Variants in ZNF821 observed in about 807,000 individuals in gnomAD.
The protein encoded by ZNF821 is zinc finger protein 821.
A neutral mutation model predicts 44.3 loss-of-function variants in ZNF821; 16 were observed. The ratio of observed to expected loss-of-function variants is 0.36; its 90% CI spans 0.24 to 0.55. The LOEUF (loss-of-function observed/expected upper bound fraction) is 0.55. ZNF821 is among the 20% of genes least tolerant of loss of function. ZNF821 has a pLI of 0.86. For missense variants in ZNF821, 436 were observed against 547.6 expected, an observed-to-expected ratio of 0.80 and a Z score of 2.03; for synonymous variants, 204 against 197.6, an observed-to-expected ratio of 1.03 and a Z score of -0.27.
chr16:71,894,595 G>C, intron 1 of ZNF821: 2 of 425,654 alleles, frequency 4.7e-6, no homozygotes, highest in Non-Finnish European at 4.3e-6. Flanking sequence ...ACGTGATCAC[G>C]GTTTACTGCA....
intron 6 of ZNF821, among the ~76,000 whole-genome samples, chr16:71,863,537 C>A (rs1371961332): frequency 6.6e-6 from 1 of 151,732 alleles, no homozygotes; most frequent in Non-Finnish European, 1.5e-5. Flanking sequence ...CAGGTGCAAG[C>A]CACCATGCCC....
At chr16:71,894,355 C>G (rs990218826) in intron 1 of ZNF821, 1 of 152,156 alleles carries the variant, frequency 6.6e-6, no homozygotes, top group Non-Finnish European at 1.5e-5. Context: ...GAGAATCAAG[C>G]GATTCTCCTG....
intron 3 of ZNF821, 38 bp downstream of exon 3, chr16:71,879,869 G>T: frequency 6.2e-7 from 1 of 1,602,026 alleles, no homozygotes; most frequent in South Asian, 1.1e-5. Flanking sequence ...CCACCCCTTA[G>T]CATTCCCAGG....
chr16:71,862,077 C>G, intron 6 of ZNF821, 135 bp from the exon 7 acceptor site: 1 of 1,051,992 alleles, frequency 9.5e-7, no homozygotes, highest in Non-Finnish European at 1.4e-6. Flanking sequence ...CTGTTTAGCC[C>G]CTAGAAAAGT....
chr16:71,892,572 T>A (rs957667128), intron 1 of ZNF821, among the ~76,000 whole-genome samples: 5,481 of 115,460 alleles, frequency 0.047, 297 homozygotes, highest in African/African-American at 0.14. Flanking sequence ...CCGGCCAAAA[T>A]TTTTTTTTTT....
intron 4 of ZNF821, among the ~76,000 whole-genome samples, chr16:71,865,606 T>C (rs998836971): frequency 6.6e-6 from 1 of 152,208 alleles, no homozygotes; most frequent in African/African-American, 2.4e-5. Context: ...ATGATGTCAC[T>C]TTATAGGGAA....
At chr16:71,871,532 A>G (rs2035192910) in intron 3 of ZNF821, among the ~76,000 whole-genome samples, 1 of 152,234 alleles carries the variant, frequency 6.6e-6, no homozygotes, top group African/African-American at 2.4e-5. Flanking sequence ...TAACTGCCGT[A>G]TAATGTCTAA....
chr16:71,867,954 G>A lies in ZNF821; in HGVS notation c.124C>T (p.Arg42Ter), dbSNP rs753562227. ...TDFPGDLGSQ[R>*]QAIQQLRDQD... ...TCTCTTAGTTGTTGGATAGCTTGTCGCTGACTGCCAAGGTCTCCAGGAAAA... is the reference window on the plus strand; with the variant it reads ...TCTCTTAGTTGTTGGATAGCTTGTCACTGACTGCCAAGGTCTCCAGGAAAA... Residue 42 changes from arginine to a stop codon, truncating the protein, a stop_gained, in exon 4 of 8, where the codon CGA (arginine) becomes TGA (stop). Coordinates refer to ENST00000425432, the MANE Select transcript of ZNF821 (RefSeq NM_001201552.2). LOFTEE classifies it high-confidence loss of function. 9 of 1,535,992 alleles carry A rather than the reference G, an allele frequency of 5.9e-6. No individual in the cohort carries two copies. The highest frequency in any genetic ancestry group is 4.8e-5 in the South Asian group (4 of 84,016).
intron 1 of ZNF821, 22 bp from the exon 2 acceptor site, chr16:71,883,295 G>GT: frequency 2.3e-6 from 1 of 437,732 alleles, no homozygotes; most frequent in South Asian, 1.6e-5. Context: ...GAGAGGACAA[G>GT]AAAGCTGGTC....
At chr16:71,870,810 T>G (rs1958770864) in intron 3 of ZNF821, among the ~76,000 whole-genome samples, 2 of 152,156 alleles carry the variant, frequency 1.3e-5, no homozygotes, top group South Asian at 4.1e-4. Flanking sequence ...ATTGAATTCT[T>G]TCGGGTAGGT....
intron 3 of ZNF821, 158 bp downstream of exon 3, chr16:71,879,747 TTC>T (rs2036226124): frequency 2.7e-6 from 2 of 740,584 alleles, no homozygotes; most frequent in East Asian, 3.3e-5. Flanking sequence ...TTAACCCTTT[TTC>T]TTTCTTTCTT....
upstream of ZNF821, among the ~76,000 whole-genome samples, chr16:71,886,025 A>C (rs1449603239): frequency 2.6e-5 from 4 of 152,226 alleles, no homozygotes; most frequent in African/African-American, 9.6e-5. Flanking sequence ...TGACATTTTC[A>C]ACAGAAAAGT....
upstream of ZNF821, chr16:71,885,454 C>G (rs187677590): frequency 6.6e-6 from 1 of 152,240 alleles, no homozygotes; most frequent in African/African-American, 2.4e-5. Context: ...CTGGCCTTTA[C>G]TCTCCGAGGG....
intron 1 of ZNF821, chr16:71,891,481 C>G (rs571126784): frequency 6.6e-6 from 1 of 152,284 alleles, no homozygotes; most frequent in South Asian, 2.1e-4. Context: ...ATTACAGGAT[C>G]TAAATAGACA....
chr16:71,894,936 C>A (rs1008516520), exon 1 of ZNF821: 6 of 1,032,982 alleles, frequency 5.8e-6, no homozygotes, highest in East Asian at 5.2e-5. Context: ...TGAGGAAACA[C>A]TACTGAATTA....
intron 4 of ZNF821, among the ~76,000 whole-genome samples, chr16:71,865,285 C>T (rs1255672309): frequency 3.9e-5 from 6 of 152,136 alleles, no homozygotes; most frequent in African/African-American, 1.4e-4. Flanking sequence ...AAATGGTTAT[C>T]GTGCCCTCTA....
intron 1 of ZNF821, chr16:71,894,266 T>C (rs2036920606): frequency 6.6e-6 from 1 of 151,040 alleles, no homozygotes; most frequent in Non-Finnish European, 1.5e-5. Context: ...TTTTCTTTTT[T>C]CCCTTTTTTT....
intron 3 of ZNF821, among the ~76,000 whole-genome samples, chr16:71,873,660 T>A (rs566179738): frequency 7.7e-4 from 117 of 152,192 alleles, no homozygotes; most frequent in Middle Eastern, 3.4e-3. Flanking sequence ...TAAAAATATA[T>A]ATATATTTTT....
intron 2 of ZNF821, chr16:71,882,318 C>G (rs983733393): frequency 6.6e-6 from 1 of 151,250 alleles, no homozygotes; most frequent in Non-Finnish European, 1.5e-5. Context: ...AAAATATACT[C>G]CTCTAATGTG....
Sources: allele counts gnomAD v4.1 joint callset (sites outside exome capture counted in the v4.1 genomes callset), GRCh38; gene constraint gnomAD v4.1.1; transcripts MANE v1.5; gene names NCBI Gene and HGNC (gene_info 2026-07-23, HGNC 2026-07-21).